The following FAM227B variants were observed in gnomAD, a reference collection of about 807,000 sequenced individuals.
FAM227B encodes the protein family with sequence similarity 227 member B, also known as protein FAM227B.
FAM227B carries 88 observed loss-of-function variants against 73.8 expected under a neutral mutation model. The ratio of observed to expected loss-of-function variants is 1.19; its 90% CI spans 1.00 to 1.42. The LOEUF (loss-of-function observed/expected upper bound fraction) is 1.42, where lower values mean the gene tolerates loss of function less well. FAM227B is among the 40% of genes most tolerant of loss of function. The probability of loss-of-function intolerance (pLI) is 0.00; values close to 1 mark genes in which losing one functional copy is unlikely to be tolerated. For missense variants in FAM227B, 632 were observed against 590.9 expected, an observed-to-expected ratio of 1.07 and a Z score of -0.72; for synonymous variants, 210 against 190.5, an observed-to-expected ratio of 1.10 and a Z score of -0.84.
chr15:49,422,569 G>T, intron 11 of FAM227B: 1 of 1,329,698 alleles, frequency 7.5e-7, no homozygotes, highest in Non-Finnish European at 1.0e-6. Flanking sequence ...TCACAGAATT[G>T]TAAAGCACCA....
intron 1 of FAM227B, among the ~76,000 whole-genome samples, chr15:49,619,929 AG>A (rs1201674599): frequency 4.6e-5 from 7 of 152,200 alleles, no homozygotes; most frequent in African/African-American, 1.2e-4. Context: ...TACAATTAAA[AG>A]CTCCATAAAG....
chr15:49,478,045 C>G (rs559739046), intron 11 of FAM227B, among the ~76,000 whole-genome samples: 1 of 152,230 alleles, frequency 6.6e-6, no homozygotes, highest in South Asian at 2.1e-4. Flanking sequence ...AGCGTAGTAC[C>G]TAATGGTTTT....
chr15:49,378,475 C>T (rs1183927350), intron 11 of FAM227B, among the ~76,000 whole-genome samples: 2 of 138,002 alleles, frequency 1.4e-5, no homozygotes, highest in Non-Finnish European at 1.6e-5. Context: ...TTGATGTCCT[C>T]TTCAATGTAT....
chr15:49,528,321 A>G (rs1467727301), intron 10 of FAM227B, among the ~76,000 whole-genome samples: 1 of 151,730 alleles, frequency 6.6e-6, no homozygotes, highest in Non-Finnish European at 1.5e-5. Context: ...CTGGACCCCT[A>G]TCTCTCATCG....
chr15:49,365,714 A>G, intron 13 of FAM227B: 1 of 900,758 alleles, frequency 1.1e-6, no homozygotes, highest in Non-Finnish European at 1.9e-6. Flanking sequence ...TTCAGACAGA[A>G]AGCAATCTCC....
chr15:49,451,776 G>A (rs1316571657), intron 11 of FAM227B, among the ~76,000 whole-genome samples: 1 of 152,072 alleles, frequency 6.6e-6, no homozygotes, highest in Non-Finnish European at 1.5e-5. Flanking sequence ...CACTTGTTAA[G>A]TAAGTTTTAA....
chr15:49,529,918 C>T (rs1433529623), intron 10 of FAM227B, among the ~76,000 whole-genome samples: 1 of 151,684 alleles, frequency 6.6e-6, no homozygotes. Flanking sequence ...AGAGACTTAT[C>T]CAAGTCATTT....
At chr15:49,429,145 A>C (rs958317108) in intron 11 of FAM227B, among the ~76,000 whole-genome samples, 2 of 152,020 alleles carry the variant, frequency 1.3e-5, no homozygotes, top group Non-Finnish European at 2.9e-5. Context: ...CAAAAATAGC[A>C]ATGTAAGGAC....
intron 10 of FAM227B, among the ~76,000 whole-genome samples, chr15:49,516,923 A>T (rs2152139031): frequency 6.6e-6 from 1 of 152,268 alleles, no homozygotes; most frequent in Middle Eastern, 3.4e-3. Context: ...AAGTGATGTG[A>T]TATGAGATCA....
At chr15:49,489,295 C>T in intron 11 of FAM227B, 1 of 984,422 alleles carries the variant, frequency 1.0e-6, no homozygotes, top group Non-Finnish European at 1.2e-6. Context: ...TCATGGCTTT[C>T]AGTGGGCATC....
intron 11 of FAM227B, chr15:49,488,317 C>A (rs963455836): frequency 1.3e-5 from 2 of 151,986 alleles, no homozygotes; most frequent in African/African-American, 4.8e-5. Flanking sequence ...AACCAAGCTG[C>A]TGCTTTCAAT....
intron 9 of FAM227B, among the ~76,000 whole-genome samples, chr15:49,551,612 G>A (rs1402065183): frequency 2.6e-5 from 4 of 152,096 alleles, no homozygotes; most frequent in Non-Finnish European, 5.9e-5. Context: ...TGGTAAGTAA[G>A]GGTTTACTTC....
At chr15:49,518,828 A>G (rs947093120) in intron 10 of FAM227B, among the ~76,000 whole-genome samples, 1 of 152,176 alleles carries the variant, frequency 6.6e-6, no homozygotes, top group Non-Finnish European at 1.5e-5. Flanking sequence ...ATGTCCTGAC[A>G]TTTCAAAATA....
At chr15:49,531,050 T>C (rs1453757653) in intron 10 of FAM227B, among the ~76,000 whole-genome samples, 2 of 151,628 alleles carry the variant, frequency 1.3e-5, no homozygotes, top group African/African-American at 2.4e-5. Flanking sequence ...AATACAAGGA[T>C]AATACACAGG....
chr15:49,496,216 T>C (rs1312998334), intron 11 of FAM227B, among the ~76,000 whole-genome samples: 1 of 152,112 alleles, frequency 6.6e-6, no homozygotes, highest in Non-Finnish European at 1.5e-5. Flanking sequence ...CAGTGCCAAG[T>C]ACAGTAATGT....
chr15:49,595,096 C>A (rs2076813578), intron 3 of FAM227B, among the ~76,000 whole-genome samples: 1 of 152,006 alleles, frequency 6.6e-6, no homozygotes, highest in South Asian at 2.1e-4. Flanking sequence ...TCTATGATTT[C>A]TTTCAGTAGT....
intron 11 of FAM227B, among the ~76,000 whole-genome samples, chr15:49,453,292 T>C (rs543864766): frequency 6.6e-6 from 1 of 152,256 alleles, no homozygotes; most frequent in African/African-American, 2.4e-5. Context: ...TATTTTAAGA[T>C]GGGATTTCAC....
intron 3 of FAM227B, among the ~76,000 whole-genome samples, chr15:49,592,286 T>C (rs1212680550): frequency 6.6e-6 from 1 of 152,260 alleles, no homozygotes; most frequent in Non-Finnish European, 1.5e-5. Flanking sequence ...CTCTGGTTTC[T>C]CCCCATCTTT....
intron 10 of FAM227B, among the ~76,000 whole-genome samples, chr15:49,521,431 T>C (rs748414774): frequency 3.3e-5 from 5 of 152,164 alleles, no homozygotes; most frequent in African/African-American, 1.2e-4. Context: ...TGGCTGACAA[T>C]GGACATGGAG....
Sources: allele counts gnomAD v4.1 joint callset (sites outside exome capture counted in the v4.1 genomes callset), GRCh38; gene constraint gnomAD v4.1.1; transcripts MANE v1.5; gene names NCBI Gene and HGNC (gene_info 2026-07-23, HGNC 2026-07-21).